Variants in TCHHL1 observed in about 807,000 individuals in gnomAD.
The protein encoded by TCHHL1 is trichohyalin-like protein 1.
TCHHL1 carries 1 observed loss-of-function variant against 3.5 expected under a neutral mutation model. That is an observed-to-expected ratio of 0.29 (90% CI 0.10 to 1.36). The LOEUF is 1.36. TCHHL1 is among the 40% of genes most tolerant of loss of function. The pLI is 0.43. For synonymous variants in TCHHL1, 405 were observed against 375.3 expected, an observed-to-expected ratio of 1.08 and a Z score of -0.92; for missense variants, 1,027 against 1,032.8, an observed-to-expected ratio of 0.99 and a Z score of 0.08.
Position 152,086,336 on chromosome 1 carries a change from G to A in TCHHL1, c.1346C>T (p.Ser449Leu), listed in dbSNP as rs903131454. The change falls in exon 3 of 3, where the codon TCA (serine) becomes TTA (leucine). Residue 449 changes from serine (S) to leucine (L), a missense_variant. By Grantham distance (145) the Ser-to-Leu change is moderately radical (BLOSUM62 -2). This residue lies in a region of TCHHL1 where 673 missense variants were observed against 658.6 expected (regional missense o/e 1.02). Coordinates refer to ENST00000368806, the MANE Select transcript of TCHHL1 (RefSeq NM_001008536.2). ...AGGGTGAGTCTGATCTCCTCCTTCTGAGCTTAGATATTGTGTCTCAGAACC... is the reference window on the plus strand; with the variant it reads ...AGGGTGAGTCTGATCTCCTCCTTCTAAGCTTAGATATTGTGTCTCAGAACC... ...EKGSETQYLS[S>L]EGGDQTHPEL... 6.8e-6 allele frequency: 11 copies of A among 1,614,154 alleles called. No individual in the cohort carries two copies. Among genetic ancestry groups the A allele is most frequent in the Non-Finnish European group, 9.3e-6 (11 of 1,180,028 alleles).
At position 152,085,481 on chromosome 1, in the gene TCHHL1, A is replaced by G. The variant is rs901232300; in HGVS notation, c.2201T>C (p.Ile734Thr). Residue 734 changes from isoleucine (I) to threonine (T), a missense_variant, in exon 3 of 3, where the codon ATA becomes ACA. Ile to Thr is a moderately conservative substitution (Grantham distance 89, BLOSUM62 -1). Transcript: ENST00000368806. ...TACAGGTTCCTTTGTTTCAAGTTGT[A>G]TCTTGAGGGAGGCTGAATTGTCCTC... Reference protein sequence around the residue: ...LDEDNSASLKIQLETKEPVTS... With the variant: ...LDEDNSASLKTQLETKEPVTS... 1.2e-6 allele frequency: 2 copies of G among 1,613,998 alleles called. No homozygotes were observed. Among genetic ancestry groups the G allele is most frequent in the East Asian group, 2.2e-5 (1 of 44,886 alleles).
chr1:152,086,888 G>C lies in TCHHL1; in HGVS notation c.794C>G (p.Pro265Arg), dbSNP rs755777860. 7.4e-6 allele frequency: 12 copies of C among 1,614,032 alleles called. No homozygotes were observed. The highest frequency in any genetic ancestry group is 1.0e-5 in the Non-Finnish European group (12 of 1,180,020). Residue 265 changes from proline to arginine, a missense_variant, in exon 3 of 3, where the codon CCA becomes CGA. By Grantham distance (103) the Pro-to-Arg change is moderately radical. This residue lies in a region of TCHHL1 where 338 missense variants were observed against 335.9 expected (regional missense o/e 1.01). Coordinates refer to ENST00000368806, the MANE Select transcript of TCHHL1 (RefSeq NM_001008536.2). ...EGNLATQSSP[P>R]KEATQRPCED... The stretch of plus-strand genomic sequence containing the variant: ...ACATGGTCTTTGTGTTGCTTCTTTT[G>C]GTGGTGAACTTTGGGTTGCCAAGTT...
chr1:152,087,174 C>T lies in TCHHL1; in HGVS notation c.508G>A (p.Gly170Arg), dbSNP rs1657749437. The T allele has an allele frequency of 3.1e-6, 5 of 1,614,206 alleles. No homozygotes were observed. The East Asian group carries it at 1.1e-4, about 36-fold the overall frequency. ...WREAKTHNFP[G>R]EASEHNDPKN... ...GGATCATTGTGTTCAGATGCTTCTC[C>T]TGGAAAGTTGTGAGTCTTGGCTTCT... Residue 170 changes from glycine to arginine, a missense_variant, in exon 3 of 3, where the codon GGA becomes AGA. By Grantham distance (125) the Gly-to-Arg change is moderately radical. This residue lies in a region of TCHHL1 where 338 missense variants were observed against 335.9 expected (regional missense o/e 1.01). Transcript: ENST00000368806.
At chr1:152,087,969 G>T (rs1359466420) in intron 2 of TCHHL1, 37 bp downstream of exon 2, 2 of 1,536,882 alleles carry the variant, frequency 1.3e-6, no homozygotes, top group African/African-American at 2.8e-5. Flanking sequence ...GAAAGGGTGA[G>T]TTGGAAAGAA....
Position 152,086,020 on chromosome 1 carries a change from A to C in TCHHL1, c.1662T>G (p.Ala554=). Residue 554 remains alanine, a synonymous_variant, in exon 3 of 3, where the codon GCT becomes GCG. Coordinates refer to ENST00000368806, the MANE Select transcript of TCHHL1 (RefSeq NM_001008536.2). ...CTGAGCTGCTATTGCCTTCCTCTGA[A>C]GCCAGGCTGTTGGGAGTTTCAGAAG... ...EGSSETPNSL[A]SEEGNSSSET... is the part of the protein sequence containing the mutation. The C allele has an allele frequency of 1.2e-6, 2 of 1,614,182 alleles. No homozygotes were observed. Among genetic ancestry groups the C allele is most frequent in the Non-Finnish European group, 1.7e-6 (2 of 1,180,040 alleles).
Position 152,088,075 on chromosome 1 carries a change from A to T in TCHHL1, c.69T>A (p.Ser23Arg). ...CTCTGCCAGTCAGTGTTGCCCCGTTACTGTCCTCACTGGCATATTTGTGGA... is the reference window on the plus strand; with the variant it reads ...CTCTGCCAGTCAGTGTTGCCCCGTTTCTGTCCTCACTGGCATATTTGTGGA... ...ETFHKYASEDSNGATLTGREL... is the reference protein window; with the variant it reads ...ETFHKYASEDRNGATLTGREL... Residue 23 changes from serine (S) to arginine (R), a missense_variant, in exon 2 of 3, where the codon AGT (serine) becomes AGA (arginine). Coordinates refer to ENST00000368806, the MANE Select transcript of TCHHL1 (RefSeq NM_001008536.2). 1 of 1,611,526 alleles carries T rather than the reference A, an allele frequency of 6.2e-7. No homozygotes were observed. The highest frequency in any genetic ancestry group is 1.3e-5 in the African/African-American group (1 of 74,922).
At chr1:152,088,729 A>G (rs750156945) in intron 1 of TCHHL1, among the ~76,000 whole-genome samples, 1 of 152,106 alleles carries the variant, frequency 6.6e-6, no homozygotes, top group Non-Finnish European at 1.5e-5. Flanking sequence ...TTCATTTCCC[A>G]TCCTTTAAAT....
At position 152,088,038 on chromosome 1, in the gene TCHHL1, G is replaced by A. The variant is rs1311884175; in HGVS notation, c.106C>T (p.Leu36Phe). Residue 36 changes from leucine to phenylalanine, a missense_variant, in exon 2 of 3, where the codon CTC becomes TTC. Leu to Phe is a conservative substitution (Grantham distance 22). Around this residue, in one of 3 missense-constraint regions of TCHHL1, gnomAD observed 338 missense variants for 335.9 expected, o/e 1.01. Transcript: ENST00000368806. Reference sequence around the variant, plus strand: ...AAGTCCCCAAACTCGCCCTGGATGAGTTGTTTCAGCTCTCTGCCAGTCAGT... The same window carrying A: ...AAGTCCCCAAACTCGCCCTGGATGAATTGTTTCAGCTCTCTGCCAGTCAGT... Reference protein sequence around the residue: ...ATLTGRELKQLIQGEFGDFFQ... With the variant: ...ATLTGRELKQFIQGEFGDFFQ... The A allele has an allele frequency of 2.5e-6, 4 of 1,607,884 alleles. No individual in the cohort carries two copies. The highest frequency in any genetic ancestry group is 1.7e-5 in the Admixed American group (1 of 58,122).
In TCHHL1 at chr1:152,085,164, T is replaced by G; in HGVS notation, c.2518A>C (p.Thr840Pro). Residue 840 changes from threonine to proline, a missense_variant, in exon 3 of 3, where the codon ACC becomes CCC. By Grantham distance (38) the Thr-to-Pro change is conservative (BLOSUM62 -1). Around this residue, in one of 3 missense-constraint regions of TCHHL1, gnomAD observed 673 missense variants for 658.6 expected, o/e 1.02. Coordinates refer to ENST00000368806, the MANE Select transcript of TCHHL1 (RefSeq NM_001008536.2). ...SGPELCSVSL[T>P]SEISDCSVFF... ...ACAGAACAATCTGAGATCTCACTGG[T>G]GAGGGATACACTGCAAAGCTCTGGG... is the stretch of plus-strand genomic sequence containing the variant. 2 of 1,614,186 alleles carry G rather than the reference T, an allele frequency of 1.2e-6. No individual in the cohort carries two copies. Among genetic ancestry groups the G allele is most frequent in the South Asian group, 2.2e-5 (2 of 91,082 alleles).
Position 152,085,700 on chromosome 1 carries a change from C to G in TCHHL1, c.1982G>C (p.Gly661Ala), listed in dbSNP as rs1284322344. The change falls in exon 3 of 3, where the codon GGA becomes GCA. Residue 661 changes from glycine (G) to alanine (A), a missense_variant. Physicochemically the swap from Gly to Ala is moderately conservative, Grantham distance 60. Coordinates refer to ENST00000368806, the MANE Select transcript of TCHHL1 (RefSeq NM_001008536.2). ...GHPEAQESTA[G>A]DENRKSLEIE... Reference sequence around the variant, plus strand: ...TTCCAGGGACTTTCTATTTTCATCTCCTGCTGTGGATTCCTGTGCTTCTGG... The same window carrying G: ...TTCCAGGGACTTTCTATTTTCATCTGCTGCTGTGGATTCCTGTGCTTCTGG... 2 of 1,614,202 alleles carry G rather than the reference C, an allele frequency of 1.2e-6. No individual in the cohort carries two copies. Among genetic ancestry groups the G allele is most frequent in the East Asian group, 2.2e-5 (1 of 44,882 alleles).
In TCHHL1 at chr1:152,086,554, A is replaced by G. The variant is rs762223874; in HGVS notation, c.1128T>C (p.Tyr376=). The G allele has an allele frequency of 3.7e-6, 6 of 1,614,042 alleles. No individual in the cohort carries two copies. The highest frequency in any genetic ancestry group is 3.3e-4 in the Middle Eastern group (2 of 6,062). The stretch of plus-strand genomic sequence containing the variant: ...ATGTTTCTGAACCATTTCTGCTACC[A>G]TATTGGACTGGCAGGTCCTTTGTTT... ...ECETKDLPVQ[Y]GSRNGSETSD... is the part of the protein sequence containing the mutation. Residue 376 remains tyrosine (Y), a synonymous_variant, in exon 3 of 3, where the codon TAT becomes TAC. Coordinates refer to ENST00000368806, the MANE Select transcript of TCHHL1 (RefSeq NM_001008536.2).
chr1:152,086,103 C>T lies in TCHHL1; in HGVS notation c.1579G>A (p.Glu527Lys), dbSNP rs1371250768. The stretch of plus-strand genomic sequence containing the variant: ...GGGTCCTCCCCCTGGTAACCATCCT[C>T]CTCCTCAACTGGTTGGTCATGAGTC... ...TKTHDQPVEE[E>K]DGYQGEDPES... The change falls in exon 3 of 3, where the codon GAG becomes AAG. Residue 527 changes from glutamate (E) to lysine (K), a missense_variant. Coordinates refer to ENST00000368806, the MANE Select transcript of TCHHL1 (RefSeq NM_001008536.2). The T allele has an allele frequency of 1.3e-5, 21 of 1,614,070 alleles. No homozygotes were observed. The highest frequency in any genetic ancestry group is 1.7e-5 in the Non-Finnish European group (20 of 1,180,050).
rs1657692785 is a variant in TCHHL1 at position 152,085,057 on chromosome 1, T to C, written c.2625A>G (p.Thr875=). Residue 875 remains threonine, a synonymous_variant, in exon 3 of 3, where the codon ACA becomes ACG. Transcript: ENST00000368806. ...TATCTTCCAAGGCCTGGGGAGCTGG[T>C]GTTTCCTGTGCACCAGCAGGACTCT... is the stretch of plus-strand genomic sequence containing the variant. The part of the protein sequence containing the change: ...LDESPAGAQE[T]PAPQALEDKQ... 1.9e-6 allele frequency: 3 copies of C among 1,614,016 alleles called. No homozygotes were observed. The African/African-American group carries it at 4.0e-5, about 22-fold the overall frequency.
chr1:152,085,802 T>C lies in TCHHL1; in HGVS notation c.1880A>G (p.Gln627Arg), dbSNP rs1657710537. 1 of 1,614,224 alleles carries C rather than the reference T, an allele frequency of 6.2e-7. No individual in the cohort carries two copies. Among genetic ancestry groups the C allele is most frequent in the African/African-American group, 1.3e-5 (1 of 75,056 alleles). ...EDVQLTEDQEQPARGEHKNQG... is the reference protein window; with the variant it reads ...EDVQLTEDQERPARGEHKNQG... The stretch of plus-strand genomic sequence containing the variant: ...ATTCTTGTGTTCTCCTCTGGCAGGC[T>C]GTTCCTGGTCCTCTGTGAGCTGTAC... Residue 627 changes from glutamine (Q) to arginine (R), a missense_variant, in exon 3 of 3, where the codon CAG becomes CGG. Physicochemically the swap from Gln to Arg is conservative, Grantham distance 43. Around this residue, in one of 3 missense-constraint regions of TCHHL1, gnomAD observed 673 missense variants for 658.6 expected, o/e 1.02. Transcript: ENST00000368806.
chr1:152,085,154 A>C lies in TCHHL1; in HGVS notation c.2528T>G (p.Ile843Ser). Reference protein sequence around the residue: ...ELCSVSLTSEISDCSVFFNYS... With the variant: ...ELCSVSLTSESSDCSVFFNYS... ...GTTGAAAAAGACAGAACAATCTGAG[A>C]TCTCACTGGTGAGGGATACACTGCA... The change falls in exon 3 of 3, where the codon ATC (isoleucine) becomes AGC (serine). Residue 843 changes from isoleucine to serine, a missense_variant. Around this residue, in one of 3 missense-constraint regions of TCHHL1, gnomAD observed 673 missense variants for 658.6 expected, o/e 1.02. Coordinates refer to ENST00000368806, the MANE Select transcript of TCHHL1 (RefSeq NM_001008536.2). 3 of 1,614,118 alleles carry C rather than the reference A, an allele frequency of 1.9e-6. No individual in the cohort carries two copies. The highest frequency in any genetic ancestry group is 1.1e-5 in the South Asian group (1 of 91,082).
chr1:152,086,316 G>A lies in TCHHL1; in HGVS notation c.1366C>T (p.His456Tyr), dbSNP rs772373969. 98 of 1,614,076 alleles carry A rather than the reference G, an allele frequency of 6.1e-5. No individual in the cohort carries two copies. Among genetic ancestry groups the A allele is most frequent in the Non-Finnish European group, 7.9e-5 (93 of 1,180,052 alleles). ...YLSSEGGDQT[H>Y]PELEGTAVSG... ...ACTGCTGTTCCTTCAAGTTCAGGGT[G>A]AGTCTGATCTCCTCCTTCTGAGCTT... The change falls in exon 3 of 3, where the codon CAC (histidine) becomes TAC (tyrosine). Residue 456 changes from histidine (H) to tyrosine (Y), a missense_variant. By Grantham distance (83) the His-to-Tyr change is moderately conservative (BLOSUM62 2). This residue lies in a region of TCHHL1 where 673 missense variants were observed against 658.6 expected (regional missense o/e 1.02). Coordinates refer to ENST00000368806, the MANE Select transcript of TCHHL1 (RefSeq NM_001008536.2).
Position 152,084,790 on chromosome 1 carries a change from T to G in TCHHL1, c.*177A>C. ...TTTGGTAGGAGTTTTACTGACTGTA[T>G]TTGTTTGCTCAGATGTTTCTTTAGT... On this transcript the variant is annotated 3_prime_UTR_variant, in exon 3 of 3. Transcript: ENST00000368806. 1.5e-6 allele frequency: 1 copy of G among 674,938 alleles called. No individual in the cohort carries two copies. The highest frequency in any genetic ancestry group is 2.4e-6 in the Non-Finnish European group (1 of 417,188). The allele number at this position is 674,938 out of a possible 1,614,324, so 41.8% of individuals were successfully genotyped here. A position where few individuals can be genotyped will look rare whatever the true frequency, so the allele number is the denominator to read the frequency against.
rs1657693915 is a variant in TCHHL1, at chr1:152,085,136, AAGAC to A, written c.2542_2545del (p.Val848PhefsTer137). ...TTGTGATGCTTGGCTGTAGTTGAAA[AAGAC>A]AGAACAATCTGAGATCTCACTGGTG... On this transcript the variant is annotated frameshift_variant, in exon 3 of 3. Transcript: ENST00000368806. LOFTEE classifies it low-confidence loss of function (END_TRUNC). The A allele has an allele frequency of 2.5e-6, 4 of 1,614,112 alleles. No individual in the cohort carries two copies. The highest frequency in any genetic ancestry group is 1.1e-5 in the South Asian group (1 of 91,084).
chr1:152,086,707 C>T lies in TCHHL1; in HGVS notation c.975G>A (p.Lys325=). 2 of 1,614,210 alleles carry T rather than the reference C, an allele frequency of 1.2e-6. No individual in the cohort carries two copies. Among genetic ancestry groups the T allele is most frequent in the South Asian group, 1.1e-5 (1 of 91,082 alleles). ...GAGTGTCAAACATTCTACAGACATCCTTGGAATCAGTTGATTTCTGTGTCT... is the reference window on the plus strand; with the variant it reads ...GAGTGTCAAACATTCTACAGACATCTTTGGAATCAGTTGATTTCTGTGTCT... The part of the protein sequence containing the change: ...PSQTQKSTDS[K]DVCRMFDTQE... Residue 325 remains lysine, a synonymous_variant, in exon 3 of 3, where the codon AAG becomes AAA. Coordinates refer to ENST00000368806, the MANE Select transcript of TCHHL1 (RefSeq NM_001008536.2).
Sources: allele counts gnomAD v4.1 joint callset (sites outside exome capture counted in the v4.1 genomes callset), GRCh38; gene constraint gnomAD v4.1.1; regional missense constraint gnomAD v4.1.1; transcripts MANE v1.5; gene names NCBI Gene and HGNC (gene_info 2026-07-23, HGNC 2026-07-21).